The following GRIK1 variants were observed in gnomAD, a reference collection of about 807,000 sequenced individuals.
The protein encoded by GRIK1 is glutamate ionotropic receptor kainate type subunit 1.
Under a neutral mutation model 105.7 loss-of-function variants are expected in GRIK1, and 69 were observed. That is an observed-to-expected ratio of 0.65 (90% CI 0.54 to 0.80). The LOEUF is 0.80. GRIK1 is among the 30% of genes least tolerant of loss of function. The pLI is 0.00. For missense variants in GRIK1, 1,109 were observed against 1,167.3 expected (o/e 0.95, Z 0.73); for synonymous variants, 438 against 431.3 (o/e 1.02, Z -0.19).
At chr21:29,685,155 A>G (rs1454472882) in intron 3 of GRIK1, among the ~76,000 whole-genome samples, 1 of 152,178 alleles carries the variant, frequency 6.6e-6, no homozygotes, top group Non-Finnish European at 1.5e-5. Flanking sequence ...AACATTTTCT[A>G]AACAAAGCAA....
rs117117396 is a variant in GRIK1 at position 29,881,666 on chromosome 21, G to A, written c.118+57717C>T. ...TGACTGGTTAATAGAGGTGAAATTG[G>A]CATATGAACAAGATTCTTCAATTCC... On this transcript the variant is annotated intron_variant, in intron 1 of 17. Coordinates refer to ENST00000327783, the MANE Select transcript of GRIK1 (RefSeq NM_001330994.2). Among the ~76,000 whole-genome samples, 1,049 of 152,152 alleles carry A rather than the reference G, an allele frequency of 6.9e-3. 10 individuals are homozygous for A. Among genetic ancestry groups the A allele is most frequent in the Middle Eastern group, 0.01 (3 of 294 alleles).
intron 1 of GRIK1, among the ~76,000 whole-genome samples, chr21:29,840,244 T>A (rs1316614627): frequency 6.6e-6 from 1 of 152,184 alleles, no homozygotes; most frequent in East Asian, 1.9e-4. Flanking sequence ...AAGATTGGAA[T>A]ATATGCCTCA....
chr21:29,603,632 G>C (rs2061560120), intron 7 of GRIK1, among the ~76,000 whole-genome samples: 1 of 152,130 alleles, frequency 6.6e-6, no homozygotes, highest in African/African-American at 2.4e-5. Flanking sequence ...TCTAGTTTTT[G>C]TACTCTGGTC....
At chr21:29,927,206 A>T (rs2071399591) in intron 1 of GRIK1, among the ~76,000 whole-genome samples, 1 of 152,110 alleles carries the variant, frequency 6.6e-6, no homozygotes, top group African/African-American at 2.4e-5. Flanking sequence ...TAGGTAAAAG[A>T]CAGAGAAAAA....
chr21:29,823,601 G>T (rs773396243), intron 1 of GRIK1, among the ~76,000 whole-genome samples: 1 of 151,930 alleles, frequency 6.6e-6, no homozygotes, highest in Non-Finnish European at 1.5e-5. Context: ...AGGAAAGAAT[G>T]TAGAAGGAGG....
chr21:29,761,460 T>G (rs569819182), intron 1 of GRIK1: 7 of 152,302 alleles, frequency 4.6e-5, no homozygotes, highest in Middle Eastern at 3.4e-3. Flanking sequence ...AGTAGAAATC[T>G]AATTAATATG....
At chr21:29,647,168 T>C (rs1200255274) in intron 6 of GRIK1, among the ~76,000 whole-genome samples, 4 of 152,202 alleles carry the variant, frequency 2.6e-5, no homozygotes, top group Admixed American at 2.6e-4. Context: ...TGACTACAAA[T>C]GGGCAAAACA....
intron 1 of GRIK1, among the ~76,000 whole-genome samples, chr21:29,812,716 A>G (rs541070643): frequency 2.6e-5 from 4 of 152,294 alleles, no homozygotes; most frequent in African/African-American, 9.6e-5. Flanking sequence ...ATGAGTGAAT[A>G]TGCTACTCTG....
At chr21:29,714,033 T>A (rs963733529) in intron 1 of GRIK1, among the ~76,000 whole-genome samples, 3 of 152,194 alleles carry the variant, frequency 2.0e-5, no homozygotes, top group African/African-American at 7.2e-5. Flanking sequence ...TGAGTGTATG[T>A]TTCAATGGGC....
chr21:29,664,442 C>A (rs2063022249), intron 4 of GRIK1, among the ~76,000 whole-genome samples: 1 of 152,138 alleles, frequency 6.6e-6, no homozygotes, highest in Non-Finnish European at 1.5e-5. Flanking sequence ...TTTAAATTTT[C>A]TCAAATAATG....
At chr21:29,702,665 C>T (rs180764193) in intron 1 of GRIK1, among the ~76,000 whole-genome samples, 2 of 152,218 alleles carry the variant, frequency 1.3e-5, no homozygotes, top group East Asian at 1.9e-4. Flanking sequence ...GAGCCGAGAT[C>T]GCACCACTGC....
intron 1 of GRIK1, among the ~76,000 whole-genome samples, chr21:29,903,523 A>G (rs149330492): frequency 2.7e-3 from 407 of 152,364 alleles, no homozygotes; most frequent in Non-Finnish European, 3.9e-3. Context: ...GCCAACAGAC[A>G]TGAAAAAATG....
chr21:29,563,203 T>C lies in GRIK1; in HGVS notation c.2131-1354A>G, dbSNP rs371810642. Among the ~76,000 whole-genome samples the C allele has an allele frequency of 4.6e-5, 7 of 152,284 alleles. No individual in the cohort carries two copies. The South Asian group carries it at 1.4e-3, about 32-fold the overall frequency. On this transcript the variant is annotated intron_variant, in intron 14 of 17. Coordinates refer to ENST00000327783, the MANE Select transcript of GRIK1 (RefSeq NM_001330994.2). ...CCGTAGTTCAGGAAAGCTTAAAACA[T>C]GGTTTTGGGCCATAAGCAAAAAATG...
chr21:29,734,669 G>A (rs571635820), intron 1 of GRIK1, among the ~76,000 whole-genome samples: 38 of 152,092 alleles, frequency 2.5e-4, no homozygotes, highest in Non-Finnish European at 4.3e-4. Flanking sequence ...AAATTTCTTG[G>A]ATTACAGGCA....
chr21:29,566,529 T>G (rs2090613997), intron 14 of GRIK1, among the ~76,000 whole-genome samples: 2 of 152,238 alleles, frequency 1.3e-5, no homozygotes, highest in African/African-American at 4.8e-5. Context: ...TAAGGGAGTG[T>G]TACTGCATCA....
intron 1 of GRIK1, among the ~76,000 whole-genome samples, chr21:29,935,750 T>G (rs1178952650): frequency 6.6e-6 from 1 of 152,026 alleles, no homozygotes; most frequent in Admixed American, 6.6e-5. Context: ...TATTTGGTGG[T>G]TTTTTGGCAA....
chr21:29,916,247 ATGT>A (rs955135999), intron 1 of GRIK1, among the ~76,000 whole-genome samples: 2 of 151,938 alleles, frequency 1.3e-5, no homozygotes, highest in African/African-American at 2.4e-5. Flanking sequence ...CCATATTATA[ATGT>A]TGTAAGAATG....
chr21:29,614,587 A>G (rs1283245927), intron 7 of GRIK1, among the ~76,000 whole-genome samples: 1 of 150,556 alleles, frequency 6.6e-6, no homozygotes, highest in Non-Finnish European at 1.5e-5. Flanking sequence ...CTAATTTTGT[A>G]TTTTTAGTAG....
chr21:29,813,117 A>G (rs1290464399), intron 1 of GRIK1, among the ~76,000 whole-genome samples: 2 of 152,088 alleles, frequency 1.3e-5, no homozygotes, highest in African/African-American at 4.8e-5. Flanking sequence ...CTCTTTTCAC[A>G]TGCCTGGCAC....
Sources: allele counts gnomAD v4.1 joint callset (sites outside exome capture counted in the v4.1 genomes callset), GRCh38; gene constraint gnomAD v4.1.1; transcripts MANE v1.5; gene names NCBI Gene and HGNC (gene_info 2026-07-23, HGNC 2026-07-21).